SPAG6: variants seen among roughly 807,000 people sequenced by gnomAD.
SPAG6 encodes sperm associated antigen 6.
SPAG6 carries 49 observed loss-of-function variants against 58.5 expected under a neutral mutation model. That is an observed-to-expected ratio of 0.84 (90% CI 0.67 to 1.06). The LOEUF is 1.06. Among genes scored for constraint, SPAG6 ranks in the 50% least tolerant of loss-of-function variants. The pLI is 0.00. For synonymous variants in SPAG6, 233 were observed against 225.6 expected (o/e 1.03, Z -0.29); for missense variants, 560 against 611.3 (o/e 0.92, Z 0.89).
rs562562042 is a variant in SPAG6, at chr10:22,402,825, G to A, written c.1314+1548G>A. ...GCTAAGAAGGTGACCAGCTAATTTG[G>A]TCCTCTAAGAGTGATAAGGGGTAAG... is the stretch of plus-strand genomic sequence containing the variant. On this transcript the variant is annotated intron_variant, in intron 9 of 10. Coordinates refer to ENST00000376624, the MANE Select transcript of SPAG6 (RefSeq NM_012443.4). Among the ~76,000 whole-genome samples the A allele has an allele frequency of 2.6e-5, 4 of 152,270 alleles. No homozygotes were observed. In the South Asian group the frequency reaches 8.3e-4, roughly 32 times the overall value.
chr10:22,352,716 C>T (rs887639899), intron 2 of SPAG6, among the ~76,000 whole-genome samples: 1 of 152,152 alleles, frequency 6.6e-6, no homozygotes, highest in Non-Finnish European at 1.5e-5. Flanking sequence ...CGAGGTTTCA[C>T]CAGGCTGGTC....
At chr10:22,366,899 C>T (rs138197243) in intron 3 of SPAG6, among the ~76,000 whole-genome samples, 16 of 152,230 alleles carry the variant, frequency 1.1e-4, no homozygotes, top group African/African-American at 2.6e-4. Context: ...AGTGAAAACA[C>T]GAAGCCTTTG....
intron 8 of SPAG6, among the ~76,000 whole-genome samples, chr10:22,394,511 A>G (rs1834248505): frequency 6.6e-6 from 1 of 152,122 alleles, no homozygotes. Context: ...TGTACCATTG[A>G]ATGGTTTTGG....
chr10:22,365,120 G>T, intron 3 of SPAG6, 101 bp downstream of exon 3: 2 of 754,388 alleles, frequency 2.7e-6, no homozygotes, highest in South Asian at 4.4e-5. Flanking sequence ...AAAATTATTA[G>T]GGGGTTAACA....
chr10:22,411,771 A>G (rs1462152909), intron 10 of SPAG6: 1 of 152,038 alleles, frequency 6.6e-6, no homozygotes, highest in Non-Finnish European at 1.5e-5. Context: ...TGTAAGCCTA[A>G]TGGAGAACTA....
intron 4 of SPAG6, among the ~76,000 whole-genome samples, chr10:22,374,519 G>C (rs1178981548): frequency 6.7e-6 from 1 of 149,774 alleles, no homozygotes; most frequent in Non-Finnish European, 1.5e-5. Flanking sequence ...TGTAATCCTA[G>C]TACTTTGGGA....
At chr10:22,360,695 T>C in intron 2 of SPAG6, 1 of 602,644 alleles carries the variant, frequency 1.7e-6, no homozygotes, top group Admixed American at 3.4e-5. Context: ...GGATATAATA[T>C]TACATAGTAT....
chr10:22,374,629 CA>C (rs1404556486), intron 4 of SPAG6, among the ~76,000 whole-genome samples: 1 of 138,770 alleles, frequency 7.2e-6, no homozygotes, highest in Non-Finnish European at 1.5e-5. Context: ...AAAAAAAATT[CA>C]CCAGATGTTG....
At chr10:22,402,916 G>A (rs1169871380) in intron 9 of SPAG6, among the ~76,000 whole-genome samples, 1 of 152,088 alleles carries the variant, frequency 6.6e-6, no homozygotes, top group Non-Finnish European at 1.5e-5. Flanking sequence ...CATTATTTCT[G>A]AAAGTTTCAT....
intron 2 of SPAG6, among the ~76,000 whole-genome samples, chr10:22,361,952 C>T (rs1207925167): frequency 6.8e-6 from 1 of 147,820 alleles, no homozygotes; most frequent in Non-Finnish European, 1.5e-5. Context: ...GATGATAAAC[C>T]ACTGCCTTTA....
intron 6 of SPAG6, among the ~76,000 whole-genome samples, chr10:22,388,242 C>T (rs959106044): frequency 6.6e-6 from 1 of 151,758 alleles, no homozygotes; most frequent in African/African-American, 2.4e-5. Context: ...GCACCCTTCT[C>T]CCGCAAGTGG....
intron 10 of SPAG6, among the ~76,000 whole-genome samples, chr10:22,412,163 A>G (rs1834757053): frequency 6.6e-6 from 1 of 152,016 alleles, no homozygotes; most frequent in Admixed American, 6.6e-5. Flanking sequence ...AAACAACTGA[A>G]TCTTTAAAAA....
intron 4 of SPAG6, among the ~76,000 whole-genome samples, chr10:22,373,957 A>T (rs543922530): frequency 2.6e-5 from 4 of 152,336 alleles, no homozygotes; most frequent in Non-Finnish European, 5.9e-5. Flanking sequence ...CAACATTTTA[A>T]TTAATTATAA....
chr10:22,347,737 C>T (rs1043735968), intron 2 of SPAG6, among the ~76,000 whole-genome samples: 1 of 152,126 alleles, frequency 6.6e-6, no homozygotes, highest in African/African-American at 2.4e-5. Flanking sequence ...ATATAAGATT[C>T]TACACTTATG....
intron 4 of SPAG6, among the ~76,000 whole-genome samples, chr10:22,383,872 T>C (rs1393172851): frequency 1.3e-5 from 2 of 152,094 alleles, no homozygotes; most frequent in African/African-American, 4.8e-5. Context: ...TAGCCAAGTG[T>C]GCAGCACATA....
intron 9 of SPAG6, among the ~76,000 whole-genome samples, chr10:22,408,987 G>C (rs1372121815): frequency 6.6e-6 from 1 of 152,192 alleles, no homozygotes. Flanking sequence ...GCCTCGCCCT[G>C]CTTCGGCTCG....
chr10:22,387,865 G>T lies in SPAG6; in HGVS notation c.721G>T (p.Val241Leu). 1 of 1,612,984 alleles carries T rather than the reference G, an allele frequency of 6.2e-7. No individual in the cohort carries two copies. Among genetic ancestry groups the T allele is most frequent in the Non-Finnish European group, 8.5e-7 (1 of 1,179,594 alleles). Reference protein sequence around the residue: ...SALSQVSKHSVDLAEMVVEAE... With the variant: ...SALSQVSKHSLDLAEMVVEAE... ...TCTCAGTCAGGTTTCAAAACATTCCGTGGATCTGGCAGAAATGGTTGTTGA... is the reference window on the plus strand; with the variant it reads ...TCTCAGTCAGGTTTCAAAACATTCCTTGGATCTGGCAGAAATGGTTGTTGA... The change falls in exon 6 of 11, where the codon GTG (valine) becomes TTG (leucine). Residue 241 changes from valine to leucine, a missense_variant. Transcript: ENST00000376624.
intron 2 of SPAG6, among the ~76,000 whole-genome samples, chr10:22,352,878 G>GA (rs920659856): frequency 6.6e-6 from 1 of 151,904 alleles, no homozygotes; most frequent in Non-Finnish European, 1.5e-5. Flanking sequence ...GAAATTTCAG[G>GA]AAAAAAAAGT....
chr10:22,360,498 T>C (rs1195031103), intron 2 of SPAG6, among the ~76,000 whole-genome samples: 6 of 150,364 alleles, frequency 4.0e-5, no homozygotes, highest in African/African-American at 1.5e-4. Flanking sequence ...GTTTTCAGTA[T>C]AGCACTAGAA....
Sources: gnomAD v4.1 joint callset for allele counts (sites outside exome capture counted in the v4.1 genomes callset) on GRCh38, gnomAD v4.1.1 for gene constraint, MANE v1.5 for transcripts, NCBI Gene and HGNC (gene_info 2026-07-23, HGNC 2026-07-21) for gene names.